Variants in KCTD16 observed in about 807,000 individuals in gnomAD.
KCTD16 encodes BTB/POZ domain-containing protein KCTD16.
KCTD16 carries 13 observed loss-of-function variants against 33.2 expected under a neutral mutation model. That is an observed-to-expected ratio of 0.39 (90% CI 0.25 to 0.62). KCTD16 has a LOEUF of 0.62. KCTD16 is among the 20% of genes least tolerant of loss of function. The pLI is 0.50. For synonymous variants in KCTD16, 197 were observed against 195.3 expected (o/e 1.01, Z -0.07); for missense variants, 441 against 525.1 (o/e 0.84, Z 1.57).
chr5:144,172,715 C>T (rs1752418164), intron 1 of KCTD16, among the ~76,000 whole-genome samples: 1 of 152,132 alleles, frequency 6.6e-6, no homozygotes, highest in African/African-American at 2.4e-5. Context: ...ATTAATGTTG[C>T]TCCCTTTTAC....
intron 3 of KCTD16, among the ~76,000 whole-genome samples, chr5:144,299,258 AC>A (rs1320834547): frequency 1.3e-5 from 2 of 148,324 alleles, no homozygotes; most frequent in Non-Finnish European, 3.0e-5. Flanking sequence ...TTCATTTTCA[AC>A]CTTTTCCTCA....
Position 144,207,230 on chromosome 5 carries a change from A to G in KCTD16, c.516A>G (p.Gly172=). Residue 172 remains glycine, a synonymous_variant, in exon 3 of 4, where the codon GGA becomes GGG. Transcript: ENST00000512467. ...KWGFITVGYR[G]SCTLGREGQA... is the part of the protein sequence containing the mutation. Reference sequence around the variant, plus strand: ...GTTTCATTACTGTGGGTTACAGAGGATCCTGCACCTTGGGCAGAGAGGGAC... The same window carrying G: ...GTTTCATTACTGTGGGTTACAGAGGGTCCTGCACCTTGGGCAGAGAGGGAC... The G allele has an allele frequency of 6.2e-7, 1 of 1,614,118 alleles. No individual in the cohort carries two copies. Among genetic ancestry groups the G allele is most frequent in the Non-Finnish European group, 8.5e-7 (1 of 1,180,014 alleles).
chr5:144,455,698 G>A (rs571095150), intron 3 of KCTD16, among the ~76,000 whole-genome samples: 2 of 152,316 alleles, frequency 1.3e-5, no homozygotes, highest in East Asian at 3.9e-4. Context: ...GGAGGGTGGA[G>A]GAATGTTTCC....
At chr5:144,400,171 T>A (rs1206761712) in intron 3 of KCTD16, among the ~76,000 whole-genome samples, 1 of 152,172 alleles carries the variant, frequency 6.6e-6, no homozygotes, top group East Asian at 1.9e-4. Flanking sequence ...ACAGTTCTTG[T>A]GGGGATAGGT....
chr5:144,446,118 T>C (rs73299629), intron 3 of KCTD16, among the ~76,000 whole-genome samples: 7,572 of 151,904 alleles, frequency 0.05, 642 homozygotes, highest in African/African-American at 0.17. Flanking sequence ...TTTGTGGGGA[T>C]ACTTTGTCAG....
chr5:144,325,285 G>A (rs759743986), intron 3 of KCTD16, among the ~76,000 whole-genome samples: 4 of 152,094 alleles, frequency 2.6e-5, no homozygotes, highest in Non-Finnish European at 5.9e-5. Context: ...CAAGATTTCT[G>A]ATGGACTCCT....
At chr5:144,329,063 CA>C (rs1356114096) in intron 3 of KCTD16, among the ~76,000 whole-genome samples, 1 of 152,084 alleles carries the variant, frequency 6.6e-6, no homozygotes, top group African/African-American at 2.4e-5. Flanking sequence ...CTTTTCAAGG[CA>C]AACTTATTTG....
intron 3 of KCTD16, among the ~76,000 whole-genome samples, chr5:144,335,414 G>A (rs534375019): frequency 5.9e-4 from 90 of 152,260 alleles, no homozygotes; most frequent in African/African-American, 1.9e-3. Flanking sequence ...AGAACTATAC[G>A]TGTGATAATG....
At chr5:144,267,611 G>A (rs933617668) in intron 3 of KCTD16, among the ~76,000 whole-genome samples, 2 of 151,982 alleles carry the variant, frequency 1.3e-5, no homozygotes, top group African/African-American at 4.8e-5. Context: ...TTCCATATCT[G>A]TAGGTTGTAT....
intron 3 of KCTD16, among the ~76,000 whole-genome samples, chr5:144,355,146 C>T (rs752305461): frequency 1.3e-4 from 20 of 152,102 alleles, no homozygotes; most frequent in Non-Finnish European, 1.3e-4. Flanking sequence ...GACCTACTAC[C>T]GCCATGTTTA....
chr5:144,190,509 A>G (rs1752819726), intron 2 of KCTD16, among the ~76,000 whole-genome samples: 1 of 152,242 alleles, frequency 6.6e-6, no homozygotes, highest in African/African-American at 2.4e-5. Flanking sequence ...GTCATGTAGT[A>G]GTGATTCAGT....
At chr5:144,365,296 T>A (rs1413164221) in intron 3 of KCTD16, among the ~76,000 whole-genome samples, 2 of 152,106 alleles carry the variant, frequency 1.3e-5, no homozygotes, top group East Asian at 3.9e-4. Flanking sequence ...AATAATTCAT[T>A]TATACAGTCA....
intron 3 of KCTD16, among the ~76,000 whole-genome samples, chr5:144,352,016 C>G (rs42244): frequency 0.23 from 35,075 of 152,056 alleles, 4,288 homozygotes; most frequent in Non-Finnish European, 0.28. Context: ...ATTGCTAAGA[C>G]AGTAGATTTT....
At chr5:144,388,149 G>A (rs974298109) in intron 3 of KCTD16, among the ~76,000 whole-genome samples, 11 of 135,670 alleles carry the variant, frequency 8.1e-5, no homozygotes, top group Admixed American at 8.3e-5. Flanking sequence ...GCGGGATATC[G>A]GCTCACTGCA....
At chr5:144,372,546 C>A (rs1173669065) in intron 3 of KCTD16, among the ~76,000 whole-genome samples, 1 of 152,072 alleles carries the variant, frequency 6.6e-6, no homozygotes, top group East Asian at 1.9e-4. Context: ...TGATATGTTA[C>A]AAGGTTCCAT....
intron 3 of KCTD16, among the ~76,000 whole-genome samples, chr5:144,213,206 A>G (rs1753451537): frequency 6.6e-6 from 1 of 152,036 alleles, no homozygotes; most frequent in Admixed American, 6.6e-5. Flanking sequence ...TACATATTAT[A>G]TTATATTTGT....
intron 3 of KCTD16, among the ~76,000 whole-genome samples, chr5:144,227,883 C>T (rs924323275): frequency 1.4e-4 from 21 of 152,288 alleles, no homozygotes; most frequent in African/African-American, 5.1e-4. Flanking sequence ...AGAATTTTAG[C>T]TTAAGCAATT....
rs570733318 is a variant in KCTD16, at chr5:144,206,438, A to G, written c.-277A>G. 1.8e-5 allele frequency: 6 copies of G among 340,454 alleles called. No individual in the cohort carries two copies. The highest frequency in any genetic ancestry group is 1.6e-5 in the Non-Finnish European group (3 of 188,284). 21.1% of individuals were successfully genotyped at this position (340,454 alleles called of 1,614,324 possible). On this transcript the variant is annotated 5_prime_UTR_variant, in exon 3 of 4. An upstream start codon of the reference 5' UTR is lost. Coordinates refer to ENST00000512467, the MANE Select transcript of KCTD16 (RefSeq NM_020768.4). ...TTGGCCTGCCTTGCATGTGAGCTTG[A>G]TGGAAGATTGGATATAGACGAGTTG...
intron 3 of KCTD16, among the ~76,000 whole-genome samples, chr5:144,295,578 G>A (rs988787326): frequency 6.6e-6 from 1 of 152,134 alleles, no homozygotes; most frequent in African/African-American, 2.4e-5. Context: ...TTGACTATGG[G>A]CCACCATTGG....
Sources: gnomAD v4.1 joint callset for allele counts (sites outside exome capture counted in the v4.1 genomes callset) on GRCh38, gnomAD v4.1.1 for gene constraint, MANE v1.5 for transcripts, NCBI Gene and HGNC (gene_info 2026-07-23, HGNC 2026-07-21) for gene names.